AGAP1: variants seen among roughly 807,000 people sequenced by gnomAD.
The protein encoded by AGAP1 is arf-GAP with GTPase, ANK repeat and PH domain-containing protein 1.
A neutral mutation model predicts 105.3 loss-of-function variants in AGAP1; 29 were observed. That is an observed-to-expected ratio of 0.28 (90% CI 0.21 to 0.38). The LOEUF (loss-of-function observed/expected upper bound fraction) is 0.38, where lower values mean the gene tolerates loss of function less well. AGAP1 is among the 10% of genes least tolerant of loss of function. The probability of loss-of-function intolerance (pLI) is 1.00; values close to 1 mark genes in which losing one functional copy is unlikely to be tolerated. For missense variants in AGAP1, 998 were observed against 1,165.1 expected (o/e 0.86, Z 2.09); for synonymous variants, 509 against 485.9 (o/e 1.05, Z -0.63).
At chr2:235,916,703 G>A (rs140765809) in intron 11 of AGAP1, among the ~76,000 whole-genome samples, 19 of 152,298 alleles carry the variant, frequency 1.2e-4, no homozygotes, top group Non-Finnish European at 2.4e-4. Context: ...GAAAAGCTTG[G>A]CCGATGCTGA....
chr2:235,928,448 G>T (rs562312754), intron 11 of AGAP1, among the ~76,000 whole-genome samples: 1 of 152,144 alleles, frequency 6.6e-6, no homozygotes, highest in African/African-American at 2.4e-5. Flanking sequence ...ACAACTGCTC[G>T]GGGAACGAGC....
intron 3 of AGAP1, among the ~76,000 whole-genome samples, chr2:235,730,760 T>A (rs1241867736): frequency 3.9e-5 from 6 of 152,198 alleles, no homozygotes; most frequent in Non-Finnish European, 8.8e-5. Flanking sequence ...TGAGAGACAG[T>A]GGGAGATGCT....
At chr2:235,852,904 G>A in intron 9 of AGAP1, 1 of 1,326,368 alleles carries the variant, frequency 7.5e-7, no homozygotes, top group Non-Finnish European at 9.7e-7. Context: ...TAGCTTGCAG[G>A]CCGCTGCTGT....
chr2:235,962,313 G>GA lies in AGAP1; in HGVS notation c.1484-6148dup, dbSNP rs1402164233. On this transcript the variant is annotated intron_variant, in intron 12 of 17. Coordinates refer to ENST00000304032, the MANE Select transcript of AGAP1 (RefSeq NM_001037131.3). This position sits in a 1 kb window ranked among gnomAD's most constrained non-coding sequence, Gnocchi z 5.3. ...CCCAGCCCTGGCCCATGACGGTGCT[G>GA]AGCAGGTGGAGGGCTGGAAGTCAGT... 6.6e-6 allele frequency among the ~76,000 whole-genome samples: 1 copy of GA among 152,164 alleles called. No individual in the cohort carries two copies. The highest frequency in any genetic ancestry group is 1.5e-5 in the Non-Finnish European group (1 of 68,022).
At position 236,000,086 on chromosome 2, in the gene AGAP1, C is replaced by T. The variant is rs1002143635; in HGVS notation, c.1645+31463C>T. Among the ~76,000 whole-genome samples, 1 of 152,152 alleles carries T rather than the reference C, an allele frequency of 6.6e-6. No individual in the cohort carries two copies. The highest frequency in any genetic ancestry group is 1.5e-5 in the Non-Finnish European group (1 of 68,032). On this transcript the variant is annotated intron_variant, in intron 13 of 17. Coordinates refer to ENST00000304032, the MANE Select transcript of AGAP1 (RefSeq NM_001037131.3). This position sits in a 1 kb window ranked among gnomAD's most constrained non-coding sequence, Gnocchi z 4.3. ...CCTCGAAGGTTTGTTTGTTAGTAGC[C>T]ATAACCGTGCAGCATCCATCGGGAG... is the stretch of plus-strand genomic sequence containing the variant.
At position 235,887,961 on chromosome 2, in the gene AGAP1, G is replaced by A. The variant is rs1207404647; in HGVS notation, c.1155+4512G>A. ...CGTGCGGCAGCCCATCACCGGCAGC[G>A]CTTGCTCGTGGTGGTGAGGCCTCTC... On this transcript the variant is annotated intron_variant, in intron 10 of 17. Coordinates refer to ENST00000304032, the MANE Select transcript of AGAP1 (RefSeq NM_001037131.3). This position sits in a 1 kb window ranked among gnomAD's most constrained non-coding sequence, Gnocchi z 4.1. Among the ~76,000 whole-genome samples the A allele has an allele frequency of 6.6e-6, 1 of 152,170 alleles. No homozygotes were observed. The highest frequency in any genetic ancestry group is 2.4e-5 in the African/African-American group (1 of 41,436).
At chr2:236,048,146 T>C (rs981536999) in intron 15 of AGAP1, among the ~76,000 whole-genome samples, 1 of 152,206 alleles carries the variant, frequency 6.6e-6, no homozygotes, top group Non-Finnish European at 1.5e-5. Context: ...GTAAGCCGTA[T>C]TTACTTAACA....
intron 1 of AGAP1, among the ~76,000 whole-genome samples, chr2:235,687,837 G>C (rs1949532296): frequency 1.4e-5 from 2 of 147,496 alleles, no homozygotes. Context: ...GTAGAAGGAT[G>C]TGTTCCTGGA....
At chr2:235,671,879 G>C (rs1408194083) in intron 1 of AGAP1, among the ~76,000 whole-genome samples, 5 of 152,134 alleles carry the variant, frequency 3.3e-5, no homozygotes. Flanking sequence ...GCATTTCGGG[G>C]TCAGAGCCTC....
rs1361045218 is a variant in AGAP1 at position 235,633,284 on chromosome 2, G to A, written c.164-75895G>A. On this transcript the variant is annotated intron_variant, in intron 1 of 17. Coordinates refer to ENST00000304032, the MANE Select transcript of AGAP1 (RefSeq NM_001037131.3). The surrounding 1 kb of genome is among the most constrained non-coding windows in gnomAD (Gnocchi z 4.8). ...ATGACTTGGGGGCAGCCAAGTAGAA[G>A]TGGAATTGGACAAATAGGGCATGAG... 1.3e-5 allele frequency among the ~76,000 whole-genome samples: 2 copies of A among 152,158 alleles called. No homozygotes were observed. The highest frequency in any genetic ancestry group is 6.5e-5 in the Admixed American group (1 of 15,276).
chr2:236,120,333 G>T lies in AGAP1; in HGVS notation c.2256G>T (p.Leu752=). The stretch of plus-strand genomic sequence containing the variant: ...ACCTGCGGACGGCCATCCTGCTGCT[G>T]GCACACGGCTCCCGGGACGAGGTGA... ...DEDLRTAILL[L]AHGSRDEVNE... is the part of the protein sequence containing the mutation. Residue 752 remains leucine (L), a synonymous_variant, in exon 17 of 18, where the codon CTG becomes CTT. Transcript: ENST00000304032. This position sits in a 1 kb window ranked among gnomAD's most constrained non-coding sequence, Gnocchi z 6.0. 6.2e-7 allele frequency: 1 copy of T among 1,612,320 alleles called. No homozygotes were observed. Among genetic ancestry groups the T allele is most frequent in the Non-Finnish European group, 8.5e-7 (1 of 1,179,688 alleles).
rs75845941 is a variant in AGAP1 at position 235,866,028 on chromosome 2, T to A, written c.1051-17317T>A. 0.019 allele frequency among the ~76,000 whole-genome samples: 2,902 copies of A among 152,308 alleles called. 56 individuals are homozygous for A. Among genetic ancestry groups the A allele is most frequent in the South Asian group, 0.063 (303 of 4,812 alleles). ...TCCATGTATGTCTGTGTATCTGCGG[T>A]CTGGTCATTTTTGCCACACTTGATT... is the stretch of plus-strand genomic sequence containing the variant. On this transcript the variant is annotated intron_variant, in intron 9 of 17. Transcript: ENST00000304032. The surrounding 1 kb of genome is among the most constrained non-coding windows in gnomAD (Gnocchi z 6.1).
rs1218606093 is a variant in AGAP1, at chr2:235,716,248, T to G, written c.223-1309T>G. On this transcript the variant is annotated intron_variant, in intron 2 of 17. Transcript: ENST00000304032. The surrounding 1 kb of genome is among the most constrained non-coding windows in gnomAD (Gnocchi z 4.0). ...GATGGAGCCCTGGCGAGTCCCAGTA[T>G]GTCCCTGCAGATGGAGGAAGAACCC... 3.3e-5 allele frequency among the ~76,000 whole-genome samples: 5 copies of G among 152,134 alleles called. No homozygotes were observed. The highest frequency in any genetic ancestry group is 4.8e-5 in the African/African-American group (2 of 41,436).
At chr2:235,646,697 A>G (rs1221009363) in intron 1 of AGAP1, among the ~76,000 whole-genome samples, 2 of 152,114 alleles carry the variant, frequency 1.3e-5, no homozygotes, top group African/African-American at 2.4e-5. Context: ...ACAACTAGAG[A>G]TAAGTTCAAG....
intron 13 of AGAP1, among the ~76,000 whole-genome samples, chr2:235,999,425 T>C (rs999536934): frequency 6.1e-5 from 9 of 148,654 alleles, no homozygotes; most frequent in African/African-American, 2.2e-4. Flanking sequence ...GTGATGATGG[T>C]GAGAGGTGGT....
intron 1 of AGAP1, among the ~76,000 whole-genome samples, chr2:235,674,946 G>T (rs1948645694): frequency 6.6e-6 from 1 of 151,538 alleles, no homozygotes. Context: ...CTCGGTCTGG[G>T]ATTACAGGCA....
chr2:235,707,021 A>G (rs1474313483), intron 1 of AGAP1, among the ~76,000 whole-genome samples: 1 of 152,252 alleles, frequency 6.6e-6, no homozygotes, highest in Non-Finnish European at 1.5e-5. Flanking sequence ...TCCTCGCATC[A>G]TCTGTCCACG....
intron 16 of AGAP1, among the ~76,000 whole-genome samples, chr2:236,093,137 G>A (rs894654485): frequency 3.9e-5 from 6 of 152,168 alleles, no homozygotes; most frequent in Non-Finnish European, 5.9e-5. Flanking sequence ...TCTCTATCCC[G>A]CAACCAAAAA....
At position 236,080,616 on chromosome 2, in the gene AGAP1, T is replaced by A. The variant is rs2058756581; in HGVS notation, c.2114+31335T>A. On this transcript the variant is annotated intron_variant, in intron 16 of 17. Coordinates refer to ENST00000304032, the MANE Select transcript of AGAP1 (RefSeq NM_001037131.3). This position sits in a 1 kb window ranked among gnomAD's most constrained non-coding sequence, Gnocchi z 4.2. ...TCTTCCTAATAGGGTAGGTATAAGATTCCCATTGCTGCTGTAACAAATTAC... is the reference window on the plus strand; with the variant it reads ...TCTTCCTAATAGGGTAGGTATAAGAATCCCATTGCTGCTGTAACAAATTAC... Among the ~76,000 whole-genome samples the A allele has an allele frequency of 6.6e-6, 1 of 152,244 alleles. No individual in the cohort carries two copies. Among genetic ancestry groups the A allele is most frequent in the African/African-American group, 2.4e-5 (1 of 41,468 alleles).
Sources: gnomAD v4.1 joint callset for allele counts (sites outside exome capture counted in the v4.1 genomes callset) on GRCh38, gnomAD v4.1.1 for gene constraint, Gnocchi (gnomAD v3.1) non-coding constraint, MANE v1.5 for transcripts, NCBI Gene and HGNC (gene_info 2026-07-23, HGNC 2026-07-21) for gene names.